Variants in KCNIP1 observed in about 807,000 individuals in gnomAD.
The protein encoded by KCNIP1 is A-type potassium channel modulatory protein KCNIP1.
Under a neutral mutation model 33.0 loss-of-function variants are expected in KCNIP1, and 18 were observed. The ratio of observed to expected loss-of-function variants is 0.55; its 90% CI spans 0.38 to 0.81. The LOEUF (loss-of-function observed/expected upper bound fraction) is 0.81, where lower values mean the gene tolerates loss of function less well. KCNIP1 is among the 30% of genes least tolerant of loss of function. KCNIP1 has a pLI of 0.00. For missense variants in KCNIP1, 238 were observed against 271.6 expected (o/e 0.88, Z 0.87); for synonymous variants, 93 against 98.3 (o/e 0.95, Z 0.32).
intron 1 of KCNIP1, among the ~76,000 whole-genome samples, chr5:170,438,619 G>A (rs931072131): frequency 2.6e-5 from 4 of 152,266 alleles, no homozygotes; most frequent in African/African-American, 9.6e-5. Context: ...CAGCCCACCA[G>A]CCTCACCACA....
intron 1 of KCNIP1, among the ~76,000 whole-genome samples, chr5:170,549,168 G>A (rs902234630): frequency 4.6e-5 from 7 of 152,184 alleles, no homozygotes; most frequent in East Asian, 1.9e-4. Flanking sequence ...CTGAAAAAGC[G>A]TATGCTATAC....
At chr5:170,727,313 C>T (rs987796861) in intron 5 of KCNIP1, among the ~76,000 whole-genome samples, 2 of 152,174 alleles carry the variant, frequency 1.3e-5, no homozygotes, top group African/African-American at 2.4e-5. Context: ...TTGAGAGGCA[C>T]TCACTGCGAA....
At chr5:170,376,825 GTGTACCTA>G (rs1700406817) in intron 1 of KCNIP1, 1 of 152,048 alleles carries the variant, frequency 6.6e-6, no homozygotes, top group Admixed American at 6.5e-5. Flanking sequence ...CTTGACACAA[GTGTACCTA>G]TGTAACAAAC....
chr5:170,622,660 T>C lies in KCNIP1; in HGVS notation c.62-96098T>C, dbSNP rs901514940. ...AAAAAGAGTGGATACAGAGAGGCAGTGAAGAAGGCTGTGTGCAAAGACAGG... is the reference window on the plus strand; with the variant it reads ...AAAAAGAGTGGATACAGAGAGGCAGCGAAGAAGGCTGTGTGCAAAGACAGG... On this transcript the variant is annotated intron_variant, in intron 1 of 7. Coordinates refer to ENST00000328939, the MANE Select transcript of KCNIP1 (RefSeq NM_014592.4). 2.0e-5 allele frequency among the ~76,000 whole-genome samples: 3 copies of C among 146,384 alleles called. No homozygotes were observed. The East Asian group carries it at 6.0e-4, about 29-fold the overall frequency.
chr5:170,390,536 A>ATTTTTT (rs1489609535), intron 1 of KCNIP1, among the ~76,000 whole-genome samples: 4 of 136,388 alleles, frequency 2.9e-5, no homozygotes, highest in African/African-American at 1.2e-4. Flanking sequence ...ATATATATAT[A>ATTTTTT]TATTTTCAAC....
chr5:170,509,988 T>G (rs577694869), intron 1 of KCNIP1, among the ~76,000 whole-genome samples: 1 of 152,274 alleles, frequency 6.6e-6, no homozygotes, highest in African/African-American at 2.4e-5. Context: ...ATCCACTCAT[T>G]TATTTGTTCA....
intron 1 of KCNIP1, among the ~76,000 whole-genome samples, chr5:170,441,885 G>A (rs866828258): frequency 1.4e-5 from 2 of 146,098 alleles, no homozygotes; most frequent in Non-Finnish European, 1.5e-5. Flanking sequence ...CCAGGAGGCC[G>A]AGCTTGCAGT....
intron 1 of KCNIP1, among the ~76,000 whole-genome samples, chr5:170,600,932 A>C (rs1250180551): frequency 6.6e-6 from 1 of 152,244 alleles, no homozygotes; most frequent in African/African-American, 2.4e-5. Flanking sequence ...GTTTGGCAAC[A>C]CTGCACTTCA....
chr5:170,665,862 C>G (rs1456538617), intron 1 of KCNIP1, among the ~76,000 whole-genome samples: 6 of 152,186 alleles, frequency 3.9e-5, no homozygotes, highest in African/African-American at 1.4e-4. Context: ...GATGATTGCA[C>G]TGGGGTTTGG....
intron 1 of KCNIP1, among the ~76,000 whole-genome samples, chr5:170,532,944 C>A (rs1340992799): frequency 6.6e-6 from 1 of 152,164 alleles, no homozygotes; most frequent in Non-Finnish European, 1.5e-5. Flanking sequence ...TCTCTCTGAC[C>A]AAGCATGTAG....
At chr5:170,542,647 A>G (rs1368623409) in intron 1 of KCNIP1, among the ~76,000 whole-genome samples, 1 of 152,138 alleles carries the variant, frequency 6.6e-6, no homozygotes, top group Non-Finnish European at 1.5e-5. Context: ...CAAACCCTAT[A>G]TGTACTATGT....
At chr5:170,720,105 C>T (rs975678374) in intron 2 of KCNIP1, among the ~76,000 whole-genome samples, 6 of 152,152 alleles carry the variant, frequency 3.9e-5, no homozygotes, top group African/African-American at 1.4e-4. Context: ...TCTTAAAGCC[C>T]CAAATCTCTC....
intron 7 of KCNIP1, 24 bp from the exon 8 acceptor site, chr5:170,735,735 C>A: frequency 6.2e-7 from 1 of 1,610,740 alleles, no homozygotes; most frequent in Non-Finnish European, 8.5e-7. Context: ...GAGTTCTAAC[C>A]CTCTTGCCCT....
At chr5:170,393,511 G>A (rs566806467) in intron 1 of KCNIP1, among the ~76,000 whole-genome samples, 26 of 152,220 alleles carry the variant, frequency 1.7e-4, no homozygotes, top group Admixed American at 1.2e-3. Context: ...ACTCAGACAC[G>A]GTCCCTTCAC....
intron 5 of KCNIP1, among the ~76,000 whole-genome samples, chr5:170,724,282 A>G (rs1237621464): frequency 6.6e-6 from 1 of 152,180 alleles, no homozygotes; most frequent in Non-Finnish European, 1.5e-5. Flanking sequence ...TTATAAGTCC[A>G]ATAGTACCCT....
chr5:170,429,071 A>G (rs1276016930), intron 1 of KCNIP1, among the ~76,000 whole-genome samples: 3 of 152,140 alleles, frequency 2.0e-5, no homozygotes, highest in African/African-American at 7.2e-5. Flanking sequence ...AGCCTGGGCA[A>G]CAGACTGAGA....
At chr5:170,609,518 A>G (rs1759061851) in intron 1 of KCNIP1, among the ~76,000 whole-genome samples, 1 of 152,118 alleles carries the variant, frequency 6.6e-6, no homozygotes, top group South Asian at 2.1e-4. Context: ...AATTTCACAG[A>G]CTTTTGGTGA....
chr5:170,481,935 G>A (rs143866187), intron 1 of KCNIP1, among the ~76,000 whole-genome samples: 7 of 152,320 alleles, frequency 4.6e-5, no homozygotes, highest in Admixed American at 2.0e-4. Context: ...CTGAGCCCCC[G>A]TTTCCAAGTC....
chr5:170,444,480 C>T (rs376187460), intron 1 of KCNIP1, among the ~76,000 whole-genome samples: 3 of 152,094 alleles, frequency 2.0e-5, no homozygotes, highest in Admixed American at 6.5e-5. Flanking sequence ...TGATTGACAA[C>T]CTTAATCCCA....
Sources: allele counts gnomAD v4.1 joint callset (sites outside exome capture counted in the v4.1 genomes callset), GRCh38; gene constraint gnomAD v4.1.1; transcripts MANE v1.5; gene names NCBI Gene and HGNC (gene_info 2026-07-23, HGNC 2026-07-21).